TUBB8: variants seen among roughly 807,000 people sequenced by gnomAD.
The protein encoded by TUBB8 is tubulin beta-8 chain.
A neutral mutation model predicts 33.7 loss-of-function variants in TUBB8; 25 were observed. The observed-to-expected ratio is 0.74, with a 90% CI of 0.54 to 1.04. TUBB8 has a LOEUF of 1.04. Among genes scored for constraint, TUBB8 ranks in the 50% least tolerant of loss-of-function variants. The pLI, the probability that TUBB8 is intolerant of heterozygous loss-of-function variation, is 0.00. For synonymous variants in TUBB8, 245 were observed against 240.1 expected (o/e 1.02, Z -0.19); for missense variants, 279 against 608.0 (o/e 0.46, Z 5.69).
At chr10:55,577 A>G (rs1834519972) in intron 1 of TUBB8, among the ~76,000 whole-genome samples, 1 of 152,220 alleles carries the variant, frequency 6.6e-6, no homozygotes, top group Admixed American at 6.5e-5. Flanking sequence ...CATGCCCTAA[A>G]GGGTTTCCCC....
At position 46,896 on chromosome 10, in the gene TUBB8, G is replaced by A; in HGVS notation, c.*161C>T. 1 of 553,204 alleles carries A rather than the reference G, an allele frequency of 1.8e-6. No individual in the cohort carries two copies. Among genetic ancestry groups the A allele is most frequent in the Middle Eastern group, 4.7e-4 (1 of 2,150 alleles). The allele number at this position is 553,204 out of a possible 1,614,324, so 34.3% of individuals were successfully genotyped here. On this transcript the variant is annotated 3_prime_UTR_variant, in exon 4 of 4. Coordinates refer to ENST00000568584, the MANE Select transcript of TUBB8 (RefSeq NM_177987.3). ...GAAGATGGAGGCAAAACCAGATGCT[G>A]TGAGAATACTTTATTAGTCAAAACC...
intron 1 of TUBB8, among the ~76,000 whole-genome samples, chr10:54,905 C>T (rs1554739987): frequency 6.6e-6 from 1 of 152,126 alleles, no homozygotes; most frequent in Non-Finnish European, 1.5e-5. Flanking sequence ...TTACAGGCAC[C>T]TGACATGATG....
At chr10:46,634 G>T (rs1341265770), downstream of TUBB8, among the ~76,000 whole-genome samples, 3 of 150,224 alleles carry the variant, frequency 2.0e-5, no homozygotes, top group African/African-American at 7.4e-5. Context: ...CTAGAAGTTT[G>T]GTATATGGGA....
intron 1 of TUBB8, among the ~76,000 whole-genome samples, chr10:58,204 T>C (rs1235825105): frequency 1.3e-5 from 2 of 152,232 alleles, no homozygotes; most frequent in African/African-American, 4.8e-5. Flanking sequence ...ATCTGAGACC[T>C]CCTCAGCTCA....
upstream of TUBB8, among the ~76,000 whole-genome samples, chr10:74,666 T>TA (rs1834786196): frequency 8.4e-6 from 1 of 119,444 alleles, no homozygotes; most frequent in African/African-American, 3.3e-5. Flanking sequence ...AAGAAAAAAA[T>TA]AGAAAGAAGG....
chr10:67,736 T>G (rs139484803), intron 1 of TUBB8, among the ~76,000 whole-genome samples: 266 of 152,282 alleles, frequency 1.7e-3, no homozygotes, highest in African/African-American at 6.1e-3. Context: ...CATGTACAAG[T>G]CTTGTACCTT....
chr10:57,104 A>G (rs1187314633), intron 1 of TUBB8, among the ~76,000 whole-genome samples: 1 of 152,228 alleles, frequency 6.6e-6, no homozygotes, highest in African/African-American at 2.4e-5. Context: ...TAAGGCTCTA[A>G]AATAATTATT....
At chr10:70,494 G>A (rs1283564042) in intron 1 of TUBB8, among the ~76,000 whole-genome samples, 3 of 152,016 alleles carry the variant, frequency 2.0e-5, no homozygotes, top group Middle Eastern at 6.8e-3. Context: ...GAAACAAACC[G>A]CAGAAATAAA....
intron 1 of TUBB8, among the ~76,000 whole-genome samples, chr10:62,960 G>A (rs1160950459): frequency 2.0e-5 from 3 of 152,054 alleles, no homozygotes; most frequent in African/African-American, 7.2e-5. Context: ...AGTGCCTTGA[G>A]GTGGTCTTCT....
chr10:56,837 A>G, intron 1 of TUBB8, among the ~76,000 whole-genome samples: 1 of 152,166 alleles, frequency 6.6e-6, no homozygotes, highest in East Asian at 1.9e-4. Context: ...TCAAAATACA[A>G]TCATGACATC....
At chr10:63,597 TATG>T (rs1322047479) in intron 1 of TUBB8, among the ~76,000 whole-genome samples, 4 of 152,244 alleles carry the variant, frequency 2.6e-5, no homozygotes, top group Middle Eastern at 6.3e-3. Flanking sequence ...CATTCTTCAG[TATG>T]ATAATTGCAT....
intron 1 of TUBB8, among the ~76,000 whole-genome samples, chr10:62,659 T>A (rs1834618081): frequency 6.6e-6 from 1 of 152,274 alleles, no homozygotes; most frequent in African/African-American, 2.4e-5. Context: ...CTTTAGCATT[T>A]CTTGTAGGAC....
At chr10:58,013 AG>A (rs1169881093) in intron 1 of TUBB8, among the ~76,000 whole-genome samples, 1 of 152,254 alleles carries the variant, frequency 6.6e-6, no homozygotes, top group East Asian at 1.9e-4. Flanking sequence ...ATAGGTTGTT[AG>A]AAGCAGCCAG....
intron 1 of TUBB8, among the ~76,000 whole-genome samples, chr10:54,561 C>T (rs1834506116): frequency 2.0e-5 from 3 of 152,112 alleles, no homozygotes; most frequent in Admixed American, 2.0e-4. Flanking sequence ...GTTTGATTTG[C>T]ATTTCTATGA....
upstream of TUBB8, among the ~76,000 whole-genome samples, chr10:76,434 C>G (rs1331882648): frequency 6.6e-6 from 1 of 152,044 alleles, no homozygotes; most frequent in African/African-American, 2.4e-5. Context: ...CGCTCCGCTG[C>G]ACTCACAGCG....
intron 1 of TUBB8, among the ~76,000 whole-genome samples, chr10:55,951 A>G (rs1416108412): frequency 6.6e-6 from 1 of 152,242 alleles, no homozygotes; most frequent in Non-Finnish European, 1.5e-5. Flanking sequence ...TATACTCAGA[A>G]TAGCTTTGAC....
chr10:48,365 G>C, intron 3 of TUBB8: 1 of 629,702 alleles, frequency 1.6e-6, no homozygotes, highest in Non-Finnish European at 2.8e-6. Flanking sequence ...TCTCAGGAAA[G>C]GCAGTAGCCA....
upstream of TUBB8, chr10:49,334 G>A (rs1588273123): frequency 3.0e-5 from 38 of 1,281,074 alleles, no homozygotes; most frequent in Non-Finnish European, 4.2e-5. Context: ...AAATAGCCCC[G>A]CGCCCACCTC....
chr10:66,823 A>G (rs1171687905), intron 1 of TUBB8, among the ~76,000 whole-genome samples: 1 of 152,018 alleles, frequency 6.6e-6, no homozygotes, highest in African/African-American at 2.4e-5. Flanking sequence ...AAATCAAAAA[A>G]TTAGCCAGAT....
Sources: allele counts gnomAD v4.1 joint callset (sites outside exome capture counted in the v4.1 genomes callset), GRCh38; gene constraint gnomAD v4.1.1; transcripts MANE v1.5; gene names NCBI Gene and HGNC (gene_info 2026-07-23, HGNC 2026-07-21).